USP22: variants seen among roughly 807,000 people sequenced by gnomAD.
The protein encoded by USP22 is ubiquitin carboxyl-terminal hydrolase 22.
Under a neutral mutation model 68.1 loss-of-function variants are expected in USP22, and 22 were observed. The ratio of observed to expected loss-of-function variants is 0.32; its 90% CI spans 0.23 to 0.46. The LOEUF is 0.46. USP22 is among the 20% of genes least tolerant of loss of function. The probability of loss-of-function intolerance (pLI) is 1.00; values close to 1 mark genes in which losing one functional copy is unlikely to be tolerated. For synonymous variants in USP22, 279 were observed against 274.2 expected (o/e 1.02, Z -0.17); for missense variants, 433 against 695.8 (o/e 0.62, Z 4.25).
chr17:21,020,168 C>CAACTGGGG (rs1284804846), intron 3 of USP22, among the ~76,000 whole-genome samples: 2 of 136,344 alleles, frequency 1.5e-5, no homozygotes, highest in African/African-American at 2.7e-5. Context: ...GCTCACCTGT[C>CAACTGGGG]AACTGGGGTA....
chr17:21,009,912 G>A lies in USP22; in HGVS notation c.1103+1239C>T, dbSNP rs141655567. 5.5e-3 allele frequency among the ~76,000 whole-genome samples: 825 copies of A among 150,514 alleles called. 9 individuals are homozygous for A. The highest frequency in any genetic ancestry group is 0.019 in the African/African-American group (784 of 40,778). The stretch of plus-strand genomic sequence containing the variant: ...GGAGGTTGCAGTGAGCCAAGATCGC[G>A]CCACTGCACTCCAGCCTGCACTCTA... On this transcript the variant is annotated intron_variant, in intron 8 of 12. Coordinates refer to ENST00000261497, the MANE Select transcript of USP22 (RefSeq NM_015276.2).
intron 1 of USP22, among the ~76,000 whole-genome samples, chr17:21,035,939 G>C (rs766916378): frequency 2.8e-5 from 4 of 143,292 alleles, no homozygotes; most frequent in African/African-American, 7.9e-5. Context: ...GCTGAGGCAA[G>C]AGAATGGCGT....
At chr17:21,026,865 G>A (rs780039108) in intron 2 of USP22, among the ~76,000 whole-genome samples, 16 of 150,726 alleles carry the variant, frequency 1.1e-4, no homozygotes, top group African/African-American at 3.7e-4. Context: ...GCAGTGGTGC[G>A]ATCTCGGCTC....
intron 10 of USP22, 43 bp from the exon 11 acceptor site, chr17:21,005,033 A>C: frequency 6.2e-7 from 1 of 1,606,968 alleles, no homozygotes; most frequent in Non-Finnish European, 8.5e-7. Flanking sequence ...TAAAATCATC[A>C]GGCCCAGAGA....
intron 8 of USP22, among the ~76,000 whole-genome samples, chr17:21,008,770 TC>T (rs1162674568): frequency 6.6e-6 from 1 of 152,044 alleles, no homozygotes; most frequent in Non-Finnish European, 1.5e-5. Context: ...TCTACAATGA[TC>T]TCAACATAAG....
Position 21,002,946 on chromosome 17 carries a change from T to G in USP22, c.*85A>C. ...CCAGGCCGGGGAGGCGGCGGGAGAC[T>G]TGGGGGAGGGGGGGGCCAGGGAGGA... is the stretch of plus-strand genomic sequence containing the variant. On this transcript the variant is annotated 3_prime_UTR_variant, in exon 13 of 13. Transcript: ENST00000261497. The G allele has an allele frequency of 6.5e-7, 1 of 1,539,750 alleles. No individual in the cohort carries two copies. Among genetic ancestry groups the G allele is most frequent in the Non-Finnish European group, 8.9e-7 (1 of 1,127,354 alleles).
chr17:21,028,535 G>C lies in USP22; in HGVS notation c.304+7C>G, dbSNP rs1332689193. 1.2e-6 allele frequency: 2 copies of C among 1,613,370 alleles called. No homozygotes were observed. Among genetic ancestry groups the C allele is most frequent in the Non-Finnish European group, 8.5e-7 (1 of 1,179,688 alleles). ...AACTATCCCCCCATCCCAGAAGCTC[G>C]CCTCACCCAGGTTGTGCCGCTTCGC... On this transcript the variant is annotated splice_region_variant and intron_variant, in intron 2 of 12. Coordinates refer to ENST00000261497, the MANE Select transcript of USP22 (RefSeq NM_015276.2).
intron 5 of USP22, among the ~76,000 whole-genome samples, chr17:21,017,260 G>C (rs1235321772): frequency 6.6e-6 from 1 of 152,230 alleles, no homozygotes; most frequent in African/African-American, 2.4e-5. Context: ...TTACGAATGG[G>C]AACAGGCCAG....
chr17:21,029,224 C>T (rs774519548), intron 1 of USP22, among the ~76,000 whole-genome samples: 5 of 152,166 alleles, frequency 3.3e-5, no homozygotes, highest in Non-Finnish European at 7.3e-5. Context: ...GGTAAACAAC[C>T]GTTACACCCC....
At chr17:21,034,980 G>A (rs1436569904) in intron 1 of USP22, among the ~76,000 whole-genome samples, 3 of 152,200 alleles carry the variant, frequency 2.0e-5, no homozygotes, top group Non-Finnish European at 2.9e-5. Flanking sequence ...GTCTTGGAAT[G>A]TATCCCTCAA....
chr17:21,018,134 C>G, intron 4 of USP22, 23 bp from the exon 5 acceptor site: 1 of 1,547,756 alleles, frequency 6.5e-7, no homozygotes, highest in East Asian at 2.3e-5. Flanking sequence ...CACCAGAGAG[C>G]AGGAGTTACC....
At chr17:21,034,402 G>A (rs1053056231) in intron 1 of USP22, among the ~76,000 whole-genome samples, 2 of 152,158 alleles carry the variant, frequency 1.3e-5, no homozygotes, top group African/African-American at 4.8e-5. Context: ...AATTACGTAT[G>A]AAATATAAAA....
rs3047597 is a variant in USP22 at position 21,020,244 on chromosome 17, C to CAAAAAAAAAAAAA, written c.418+856_418+868dup. On this transcript the variant is annotated intron_variant, in intron 3 of 12. Transcript: ENST00000261497. ...ATGAGCATCTGTCAGAATCAAAAACCAAAAAAAAAAAAAAAAAAAAAAAAA... is the reference window on the plus strand; with the variant it reads ...ATGAGCATCTGTCAGAATCAAAAACCAAAAAAAAAAAAAAAAAAAAAAAAAAAAAAAAAAAAAA... 3.0e-4 allele frequency among the ~76,000 whole-genome samples: 22 copies of CAAAAAAAAAAAAA among 73,284 alleles called. 1 individual carries two copies. The highest frequency in any genetic ancestry group is 4.7e-4 in the African/African-American group (9 of 19,126). The allele number at this position is 73,284 out of a possible 152,430, so 48.1% of individuals were successfully genotyped here. A position where few individuals can be genotyped will look rare whatever the true frequency, so the allele number is the denominator to read the frequency against.
intron 8 of USP22, among the ~76,000 whole-genome samples, chr17:21,009,626 T>C (rs1367354197): frequency 1.3e-5 from 2 of 152,200 alleles, no homozygotes; most frequent in African/African-American, 4.8e-5. Flanking sequence ...GAATTTATGA[T>C]TAAATTTAAT....
At position 21,029,596 on chromosome 17, in the gene USP22, CTG is replaced by C. The variant is rs545983152; in HGVS notation, c.172-924_172-923del. Among the ~76,000 whole-genome samples, 50 of 152,318 alleles carry C rather than the reference CTG, an allele frequency of 3.3e-4. 2 individuals carry two copies. The highest frequency in any genetic ancestry group is 1.1e-3 in the African/African-American group (47 of 41,580). ...GCTAGAACCACTGGGTAAAAAAATA[CTG>C]TGTCATTCACAACTGTGAAAATAGT... On this transcript the variant is annotated intron_variant, in intron 1 of 12. Transcript: ENST00000261497.
Position 21,006,950 on chromosome 17 carries a change from G to A in USP22, c.1268C>T (p.Thr423Ile). The stretch of plus-strand genomic sequence containing the variant: ...CTCCAGGGGGAAGGACACATACGTG[G>A]TGATCTTCCGCCGCAGCTTGGCTGA... ...EHSAKLRRKI[T>I]TYVSFPLELD... is the part of the protein sequence containing the mutation. Residue 423 changes from threonine (T) to isoleucine (I), a missense_variant, in exon 10 of 13, where the codon ACC becomes ATC. Transcript: ENST00000261497. 1 of 1,609,120 alleles carries A rather than the reference G, an allele frequency of 6.2e-7. No individual in the cohort carries two copies. Among genetic ancestry groups the A allele is most frequent in the Non-Finnish European group, 8.5e-7 (1 of 1,177,460 alleles).
At chr17:21,003,591 A>G (rs926415981) in intron 12 of USP22, among the ~76,000 whole-genome samples, 1 of 152,190 alleles carries the variant, frequency 6.6e-6, no homozygotes, top group Non-Finnish European at 1.5e-5. Context: ...GAAACTGGAA[A>G]GGAGAGGAGC....
At chr17:21,018,248 C>T (rs1303059048) in intron 4 of USP22, 137 bp from the exon 5 acceptor site, 4 of 795,410 alleles carry the variant, frequency 5.0e-6, no homozygotes, top group African/African-American at 1.8e-5. Context: ...GATGAGATAT[C>T]GCATTCTGCT....
chr17:21,042,616 G>A (rs1972454108), intron 1 of USP22, 49 bp downstream of exon 1: 1 of 1,257,994 alleles, frequency 7.9e-7, no homozygotes, highest in South Asian at 2.8e-5. Flanking sequence ...CCGGCCTCAG[G>A]AGCGGCAGAA....
Sources: allele counts gnomAD v4.1 joint callset (sites outside exome capture counted in the v4.1 genomes callset), GRCh38; gene constraint gnomAD v4.1.1; transcripts MANE v1.5; gene names NCBI Gene and HGNC (gene_info 2026-07-23, HGNC 2026-07-21).